AP4E1: variants seen among roughly 807,000 people sequenced by gnomAD.
The protein encoded by AP4E1 is AP-4 complex subunit epsilon-1.
Under a neutral mutation model 128.2 loss-of-function variants are expected in AP4E1, and 56 were observed. The ratio of observed to expected loss-of-function variants is 0.44; its 90% CI spans 0.35 to 0.55. The LOEUF (loss-of-function observed/expected upper bound fraction) is 0.55, where lower values mean the gene tolerates loss of function less well. Among genes scored for constraint, AP4E1 ranks in the 20% least tolerant of loss-of-function variants. AP4E1 has a pLI of 0.00. For synonymous variants in AP4E1, 484 were observed against 473.1 expected (o/e 1.02, Z -0.30); for missense variants, 1,324 against 1,307.7 (o/e 1.01, Z -0.19).
At chr15:50,950,204 A>G (rs2064130509) in intron 13 of AP4E1, 35 bp downstream of exon 13, 1 of 1,394,400 alleles carries the variant, frequency 7.2e-7, no homozygotes, top group Non-Finnish European at 1.0e-6. Context: ...AATTTTTATA[A>G]CATTTTTAAT....
intron 17 of AP4E1, among the ~76,000 whole-genome samples, chr15:50,997,044 T>C (rs1454822721): frequency 6.6e-6 from 1 of 152,240 alleles, no homozygotes; most frequent in East Asian, 1.9e-4. Context: ...TTCTGAAATC[T>C]AACAAGTTTT....
At chr15:50,921,247 C>T (rs1451406159) in intron 3 of AP4E1, among the ~76,000 whole-genome samples, 2 of 152,164 alleles carry the variant, frequency 1.3e-5, no homozygotes, top group African/African-American at 2.4e-5. Context: ...ACCTTGGCCC[C>T]CCAACGTGCT....
At chr15:50,996,006 T>G (rs2064865502) in intron 17 of AP4E1, among the ~76,000 whole-genome samples, 1 of 126,274 alleles carries the variant, frequency 7.9e-6, no homozygotes, top group Non-Finnish European at 1.7e-5. Flanking sequence ...TTTTTTTTTT[T>G]GAGACAGAAT....
At chr15:50,970,088 C>T (rs1434461519) in intron 15 of AP4E1, among the ~76,000 whole-genome samples, 1 of 152,146 alleles carries the variant, frequency 6.6e-6, no homozygotes, top group Non-Finnish European at 1.5e-5. Context: ...CCCTATTCTT[C>T]CCTTACCCCT....
chr15:50,948,840 C>A (rs182369927), intron 11 of AP4E1, among the ~76,000 whole-genome samples: 15 of 151,526 alleles, frequency 9.9e-5, no homozygotes, highest in Non-Finnish European at 2.2e-4. Context: ...GGCATGGTGG[C>A]GCATGCCTGT....
rs151135245 is a variant in AP4E1 at position 50,908,911 on chromosome 15, G to A, written c.133G>A (p.Ala45Thr). 5.9e-5 allele frequency: 95 copies of A among 1,610,816 alleles called. No individual in the cohort carries two copies. The highest frequency in any genetic ancestry group is 7.7e-5 in the Non-Finnish European group (91 of 1,179,468). The change falls in exon 1 of 21, where the codon GCC becomes ACC. Residue 45 changes from alanine to threonine, a missense_variant. By Grantham distance (58) the Ala-to-Thr change is moderately conservative. Transcript: ENST00000261842. Reference sequence around the variant, plus strand: ...GGGCAGCCTTGTCCGCGGCATCACAGCCCTCACCTCCAAGCACGTAGGTGC... The same window carrying A: ...GGGCAGCCTTGTCCGCGGCATCACAACCCTCACCTCCAAGCACGTAGGTGC... ...RLGSLVRGIT[A>T]LTSKHEEEKL...
At chr15:50,924,072 C>A (rs1250075687) in intron 4 of AP4E1, 68 bp downstream of exon 4, 1 of 1,289,174 alleles carries the variant, frequency 7.8e-7, no homozygotes, top group Non-Finnish European at 1.1e-6. Flanking sequence ...TCTCCTCGAT[C>A]ATATTCAACT....
intron 13 of AP4E1, among the ~76,000 whole-genome samples, chr15:50,951,955 G>A (rs963917462): frequency 2.6e-5 from 4 of 152,030 alleles, no homozygotes; most frequent in Middle Eastern, 3.4e-3. Context: ...TCGAACTCTC[G>A]ACCTCAGGTC....
upstream of AP4E1, chr15:50,908,647 G>A: frequency 1.7e-6 from 2 of 1,176,440 alleles, no homozygotes; most frequent in Non-Finnish European, 2.2e-6. Flanking sequence ...TGTTCAGGTG[G>A]GACGCCAATA....
At chr15:50,918,282 C>T (rs1214950304) in intron 3 of AP4E1, among the ~76,000 whole-genome samples, 1 of 152,062 alleles carries the variant, frequency 6.6e-6, no homozygotes. Flanking sequence ...AATGAAACTA[C>T]CTGGGAACCT....
At chr15:50,990,915 G>A (rs538072895) in intron 16 of AP4E1, among the ~76,000 whole-genome samples, 7 of 152,206 alleles carry the variant, frequency 4.6e-5, no homozygotes, top group East Asian at 1.9e-4. Flanking sequence ...TAGGAGTGTC[G>A]TTGGGATCAA....
At position 50,928,237 on chromosome 15, in the gene AP4E1, A is replaced by G. The variant is rs115801984; in HGVS notation, c.543-772A>G. Reference sequence around the variant, plus strand: ...CAGTGATATATATATATAAAAAAGAAACATAGAAAGCTACTATTTTAGGGT... The same window carrying G: ...CAGTGATATATATATATAAAAAAGAGACATAGAAAGCTACTATTTTAGGGT... On this transcript the variant is annotated intron_variant, in intron 5 of 20. Coordinates refer to ENST00000261842, the MANE Select transcript of AP4E1 (RefSeq NM_007347.5). 6.4e-3 allele frequency among the ~76,000 whole-genome samples: 982 copies of G among 152,256 alleles called. 8 individuals are homozygous for G. Among genetic ancestry groups the G allele is most frequent in the African/African-American group, 0.023 (949 of 41,548 alleles).
At chr15:50,915,277 C>G (rs912401043) in intron 2 of AP4E1, 171 bp from the exon 3 acceptor site, 1 of 655,614 alleles carries the variant, frequency 1.5e-6, no homozygotes, top group Non-Finnish European at 2.5e-6. Flanking sequence ...TAAGTAAGAT[C>G]AGGAGCAATT....
In AP4E1 at chr15:50,908,777, C is replaced by CGATGAGCGACATAGTGGAGAA; in HGVS notation, c.2_22dup. ...GCGGCGGCATCGCGGGCGGCGGCGG[C>CGATGAGCGACATAGTGGAGAA]GATGAGCGACATAGTGGAGAAGACG... On this transcript the variant is annotated 5_prime_UTR_variant, in exon 1 of 21. It adds an upstream start codon to the 5' untranslated region. Coordinates refer to ENST00000261842, the MANE Select transcript of AP4E1 (RefSeq NM_007347.5). 6.5e-7 allele frequency: 1 copy of CGATGAGCGACATAGTGGAGAA among 1,542,584 alleles called. No homozygotes were observed. Among genetic ancestry groups the CGATGAGCGACATAGTGGAGAA allele is most frequent in the South Asian group, 1.2e-5 (1 of 82,476 alleles).
At chr15:50,988,209 T>C (rs1184906954) in intron 16 of AP4E1, among the ~76,000 whole-genome samples, 2 of 152,344 alleles carry the variant, frequency 1.3e-5, no homozygotes, top group East Asian at 1.9e-4. Flanking sequence ...AAACCCATTA[T>C]AAATTGAAAA....
At chr15:50,920,075 TAAAAAA>T (rs759743982) in intron 3 of AP4E1, among the ~76,000 whole-genome samples, 1 of 88,178 alleles carries the variant, frequency 1.1e-5, no homozygotes, top group South Asian at 4.5e-4. Context: ...ATAATATGTC[TAAAAAA>T]AAAAAAAAAA....
chr15:51,004,505 T>G lies in AP4E1; in HGVS notation c.*1843T>G, dbSNP rs538064132. The G allele has an allele frequency of 1.3e-5, 2 of 152,350 alleles. No homozygotes were observed. The highest frequency in any genetic ancestry group is 1.3e-4 in the Admixed American group (2 of 15,266). 9.4% of individuals were successfully genotyped at this position (152,350 alleles called of 1,614,324 possible). A position where few individuals can be genotyped will look rare whatever the true frequency, so the allele number is the denominator to read the frequency against. On this transcript the variant is annotated 3_prime_UTR_variant, in exon 21 of 21. Transcript: ENST00000261842. ...GGAGATCTGTTGCTTGGTTACAGGGTGTATTCATGAGTGGTAGCTGCAGTT... is the reference window on the plus strand; with the variant it reads ...GGAGATCTGTTGCTTGGTTACAGGGGGTATTCATGAGTGGTAGCTGCAGTT...
At position 51,003,442 on chromosome 15, in the gene AP4E1, TA is replaced by T. The variant is rs1449287766; in HGVS notation, c.*781del. The T allele has an allele frequency of 6.6e-6, 1 of 152,332 alleles. No individual in the cohort carries two copies. Among genetic ancestry groups the T allele is most frequent in the Non-Finnish European group, 1.5e-5 (1 of 68,034 alleles). 9.4% of individuals were successfully genotyped at this position (152,332 alleles called of 1,614,324 possible). A position where few individuals can be genotyped will look rare whatever the true frequency, so the allele number is the denominator to read the frequency against. On this transcript the variant is annotated 3_prime_UTR_variant, in exon 21 of 21. Coordinates refer to ENST00000261842, the MANE Select transcript of AP4E1 (RefSeq NM_007347.5). ...GCAAACAGATACAAAAATGACTTTT[TA>T]GTTATGACAAATATTTTAGTTGGTT...
chr15:50,933,377 C>T (rs2063860561), intron 7 of AP4E1, among the ~76,000 whole-genome samples: 1 of 152,078 alleles, frequency 6.6e-6, no homozygotes, highest in African/African-American at 2.4e-5. Flanking sequence ...CTGGAAAAGT[C>T]TGTTGTATTT....
Sources: allele counts gnomAD v4.1 joint callset (sites outside exome capture counted in the v4.1 genomes callset), GRCh38; gene constraint gnomAD v4.1.1; transcripts MANE v1.5; gene names NCBI Gene and HGNC (gene_info 2026-07-23, HGNC 2026-07-21).